The following ADAMTS2 variants were observed in gnomAD, a reference collection of about 807,000 sequenced individuals.
ADAMTS2 encodes the protein A disintegrin and metalloproteinase with thrombospondin motifs 2.
A neutral mutation model predicts 123.0 loss-of-function variants in ADAMTS2; 50 were observed. The observed-to-expected ratio is 0.41, with a 90% CI of 0.32 to 0.51. The LOEUF (loss-of-function observed/expected upper bound fraction) is 0.51, where lower values mean the gene tolerates loss of function less well. Among genes scored for constraint, ADAMTS2 ranks in the 20% least tolerant of loss-of-function variants. The pLI is 0.35. For synonymous variants in ADAMTS2, 678 were observed against 695.4 expected, an observed-to-expected ratio of 0.98 and a Z score of 0.39; for missense variants, 1,494 against 1,705.2, an observed-to-expected ratio of 0.88 and a Z score of 2.18.
In ADAMTS2 at chr5:179,185,799, C is replaced by T. The variant is rs371188191; in HGVS notation, c.892-4644G>A. 3.7e-4 allele frequency among the ~76,000 whole-genome samples: 56 copies of T among 152,126 alleles called. No individual in the cohort carries two copies. The South Asian group carries it at 0.011, about 30-fold the overall frequency. On this transcript the variant is annotated intron_variant, in intron 4 of 21. Coordinates refer to ENST00000251582, the MANE Select transcript of ADAMTS2 (RefSeq NM_014244.5). The surrounding 1 kb of genome is among the most constrained non-coding windows in gnomAD (Gnocchi z 5.9). ...GCCAGCAGCCAGCTCCCACCTCCTG[C>T]GCTGGGTGCCCTGACCCTGGCCTCT...
intron 2 of ADAMTS2, among the ~76,000 whole-genome samples, chr5:179,290,921 G>A (rs758410145): frequency 6.6e-6 from 1 of 152,178 alleles, no homozygotes; most frequent in Non-Finnish European, 1.5e-5. Flanking sequence ...TGTGCAGAGG[G>A]CCTATGCCTG....
chr5:179,135,175 C>G (rs1763044409), intron 13 of ADAMTS2, among the ~76,000 whole-genome samples: 2 of 151,492 alleles, frequency 1.3e-5, no homozygotes, highest in South Asian at 4.2e-4. Flanking sequence ...CCAGCTCCAG[C>G]TCCCGGCTCC....
chr5:179,122,779 G>T lies in ADAMTS2; in HGVS notation c.2959-6C>A. On this transcript the variant is annotated splice_region_variant and splice_polypyrimidine_tract_variant and intron_variant, in intron 19 of 21. Transcript: ENST00000251582. ...TTGCCACAGGTTACTGAGCACTGCA[G>T]GGGGAGAGTCGCCAGGCAGGGTTCA... 1.3e-6 allele frequency: 2 copies of T among 1,554,972 alleles called. No individual in the cohort carries two copies. Among genetic ancestry groups the T allele is most frequent in the Non-Finnish European group, 1.7e-6 (2 of 1,149,636 alleles).
rs559360165 is a variant in ADAMTS2 at position 179,237,014 on chromosome 5, G to T, written c.689-29299C>A. Among the ~76,000 whole-genome samples the T allele has an allele frequency of 2.6e-5, 4 of 152,220 alleles. No individual in the cohort carries two copies. In the South Asian group the frequency reaches 8.3e-4, roughly 32 times the overall value. ...TTACACCAGTAATCTCAGCACTTTG[G>T]GGGGTTGAGACGGGAGGATAGCTTG... On this transcript the variant is annotated intron_variant, in intron 3 of 21. Coordinates refer to ENST00000251582, the MANE Select transcript of ADAMTS2 (RefSeq NM_014244.5).
At chr5:179,221,183 C>T (rs1045948712) in intron 3 of ADAMTS2, among the ~76,000 whole-genome samples, 1 of 152,186 alleles carries the variant, frequency 6.6e-6, no homozygotes, top group Non-Finnish European at 1.5e-5. Context: ...GGACTTCACA[C>T]ACCTCCTGTT....
At chr5:179,299,322 G>A (rs1450592906) in intron 2 of ADAMTS2, among the ~76,000 whole-genome samples, 1 of 101,372 alleles carries the variant, frequency 9.9e-6, no homozygotes, top group Non-Finnish European at 2.0e-5. Flanking sequence ...GAGGTCAGGA[G>A]ATGGAGACCA....
chr5:179,343,988 G>C lies in ADAMTS2; in HGVS notation c.313C>G (p.Pro105Ala). The part of the protein sequence containing the change: ...PSFPGGNEEE[P>A]GSHLFYNVTV... ...ACATTGTAGAAGAGGTGACTGCCAGGCTCCTCCTCGTTGCCTCCGGGGAAG... is the reference window on the plus strand; with the variant it reads ...ACATTGTAGAAGAGGTGACTGCCAGCCTCCTCCTCGTTGCCTCCGGGGAAG... Residue 105 changes from proline to alanine, a missense_variant, in exon 2 of 22, where the codon CCT (proline) becomes GCT (alanine). Around this residue, in one of 6 missense-constraint regions of ADAMTS2, gnomAD observed 237 missense variants for 233.7 expected, o/e 1.01. Transcript: ENST00000251582. 6.2e-7 allele frequency: 1 copy of C among 1,612,694 alleles called. No homozygotes were observed. The highest frequency in any genetic ancestry group is 1.7e-5 in the Admixed American group (1 of 60,022).
At chr5:179,283,942 G>GATTATT (rs202045609) in intron 2 of ADAMTS2, among the ~76,000 whole-genome samples, 20,603 of 137,808 alleles carry the variant, frequency 0.15, 1,702 homozygotes, top group South Asian at 0.19. Context: ...TAAATGGTCA[G>GATTATT]ATGATTATTA....
chr5:179,140,799 C>CTTTTTTTTTTTTTTTTTTTTTTTTTT lies in ADAMTS2; in HGVS notation c.1630-765_1630-764insAAAAAAAAAAAAAAAAAAAAAAAAAA, dbSNP rs770094463. On this transcript the variant is annotated intron_variant, in intron 10 of 21. Coordinates refer to ENST00000251582, the MANE Select transcript of ADAMTS2 (RefSeq NM_014244.5). ...TTTCCTTCAGTTCCGACTGCATGCTCTTTTTTTTTTTTTTTTTTTGAGACA... is the reference window on the plus strand; with the variant it reads ...TTTCCTTCAGTTCCGACTGCATGCTCTTTTTTTTTTTTTTTTTTTTTTTTTTTTTTTTTTTTTTTTTTTTTGAGACA... Among the ~76,000 whole-genome samples, 16 of 90,454 alleles carry CTTTTTTTTTTTTTTTTTTTTTTTTTT rather than the reference C, an allele frequency of 1.8e-4. 1 individual carries two copies. The highest frequency in any genetic ancestry group is 2.7e-4 in the Non-Finnish European group (13 of 48,298). The allele number at this position is 90,454 out of a possible 152,430, so 59.3% of individuals were successfully genotyped here.
chr5:179,322,572 A>G (rs1757216472), intron 2 of ADAMTS2, among the ~76,000 whole-genome samples: 1 of 152,180 alleles, frequency 6.6e-6, no homozygotes, highest in Non-Finnish European at 1.5e-5. Flanking sequence ...GGAGGCCGTG[A>G]GCCAATTCCA....
intron 2 of ADAMTS2, among the ~76,000 whole-genome samples, chr5:179,306,928 G>A (rs1756689944): frequency 6.6e-6 from 1 of 152,212 alleles, no homozygotes; most frequent in African/African-American, 2.4e-5. Flanking sequence ...CCTGACAGGA[G>A]CACAGCCTGA....
In ADAMTS2 at chr5:179,314,008, C is replaced by G. The variant is rs1185778942; in HGVS notation, c.534+29759G>C. 6.6e-6 allele frequency among the ~76,000 whole-genome samples: 1 copy of G among 152,056 alleles called. No individual in the cohort carries two copies. The highest frequency in any genetic ancestry group is 1.9e-4 in the East Asian group (1 of 5,192). Reference sequence around the variant, plus strand: ...GAGACAGAGGAGGGCCTGGCCGGAGCAGGGGTGTCAGCTCCAGGACCAGGA... The same window carrying G: ...GAGACAGAGGAGGGCCTGGCCGGAGGAGGGGTGTCAGCTCCAGGACCAGGA... On this transcript the variant is annotated intron_variant, in intron 2 of 21. Coordinates refer to ENST00000251582, the MANE Select transcript of ADAMTS2 (RefSeq NM_014244.5). This position sits in a 1 kb window ranked among gnomAD's most constrained non-coding sequence, Gnocchi z 4.5.
chr5:179,153,495 G>A lies in ADAMTS2; in HGVS notation c.1511C>T (p.Thr504Met), dbSNP rs765595538. ...FDFGLGYMMC[T>M]AFRTFDPCKQ... ...GCTGCAGGGCTGCACACTCACCGCCGTGCACATCATGTAGCCCAGGCCGAA... is the reference window on the plus strand; with the variant it reads ...GCTGCAGGGCTGCACACTCACCGCCATGCACATCATGTAGCCCAGGCCGAA... The change falls in exon 9 of 22, where the codon ACG (threonine) becomes ATG (methionine). Residue 504 changes from threonine (T) to methionine (M), a missense_variant. Transcript: ENST00000251582. 52 of 1,608,754 alleles carry A rather than the reference G, an allele frequency of 3.2e-5. No homozygotes were observed. The highest frequency in any genetic ancestry group is 4.5e-5 in the East Asian group (2 of 44,888).
rs1180180090 is a variant in ADAMTS2 at position 179,256,591 on chromosome 5, C to T, written c.688+16320G>A. 6.6e-6 allele frequency among the ~76,000 whole-genome samples: 1 copy of T among 152,136 alleles called. No homozygotes were observed. Among genetic ancestry groups the T allele is most frequent in the Non-Finnish European group, 1.5e-5 (1 of 68,024 alleles). ...TGTACGTGTAACTACCAACCAGAGTCCAGGAGTCTCACACTCCACTGCAAA... is the reference window on the plus strand; with the variant it reads ...TGTACGTGTAACTACCAACCAGAGTTCAGGAGTCTCACACTCCACTGCAAA... On this transcript the variant is annotated intron_variant, in intron 3 of 21. Coordinates refer to ENST00000251582, the MANE Select transcript of ADAMTS2 (RefSeq NM_014244.5). The surrounding 1 kb of genome is among the most constrained non-coding windows in gnomAD (Gnocchi z 4.1).
chr5:179,207,614 C>T lies in ADAMTS2; in HGVS notation c.790G>A (p.Asp264Asn), dbSNP rs374717566. ...RRRARRHAAD[D>N]DYNIEVLLGV... is the part of the protein sequence containing the mutation. ...AGCAGGACCTCGATGTTGTAGTCAT[C>T]GTCCGCAGCATGCCTGCGTGCCCTC... Residue 264 changes from aspartate (D) to asparagine (N), a missense_variant, in exon 4 of 22, where the codon GAT becomes AAT. Physicochemically the swap from Asp to Asn is conservative, Grantham distance 23. Transcript: ENST00000251582. 327 of 1,613,736 alleles carry T rather than the reference C, an allele frequency of 2.0e-4. No individual in the cohort carries two copies. The highest frequency in any genetic ancestry group is 3.3e-4 in the Middle Eastern group (2 of 6,084).
At chr5:179,254,203 T>A (rs1460768050) in intron 3 of ADAMTS2, among the ~76,000 whole-genome samples, 2 of 152,238 alleles carry the variant, frequency 1.3e-5, no homozygotes, top group Admixed American at 1.3e-4. Flanking sequence ...TTATTTTATA[T>A]TCATGTCGCT....
At chr5:179,184,345 C>T (rs1432364913) in intron 4 of ADAMTS2, among the ~76,000 whole-genome samples, 1 of 152,022 alleles carries the variant, frequency 6.6e-6, no homozygotes, top group Non-Finnish European at 1.5e-5. Flanking sequence ...AACCCTCTCT[C>T]TACTAAAAAT....
chr5:179,316,902 C>G (rs1411003095), intron 2 of ADAMTS2, among the ~76,000 whole-genome samples: 1 of 152,120 alleles, frequency 6.6e-6, no homozygotes, highest in Non-Finnish European at 1.5e-5. Flanking sequence ...GATTGCACCA[C>G]TGCCTTCTAG....
intron 2 of ADAMTS2, among the ~76,000 whole-genome samples, chr5:179,327,475 T>C (rs1031027656): frequency 6.6e-6 from 1 of 152,196 alleles, no homozygotes; most frequent in Non-Finnish European, 1.5e-5. Context: ...CCCGGTGCAC[T>C]GCTCCCCAAC....
Sources: allele counts gnomAD v4.1 joint callset (sites outside exome capture counted in the v4.1 genomes callset), GRCh38; gene constraint gnomAD v4.1.1; regional missense constraint gnomAD v4.1.1; non-coding constraint Gnocchi (gnomAD v3.1); transcripts MANE v1.5; gene names NCBI Gene and HGNC (gene_info 2026-07-23, HGNC 2026-07-21).